IMMP2L: variants seen among roughly 807,000 people sequenced by gnomAD.
The protein encoded by IMMP2L is inner mitochondrial membrane peptidase subunit 2.
In IMMP2L, 18 loss-of-function variants were observed where a neutral mutation model predicts 19.3. That is an observed-to-expected ratio of 0.93 (90% CI 0.64 to 1.38). The LOEUF is 1.38. IMMP2L is among the 40% of genes most tolerant of loss of function. IMMP2L has a pLI of 0.00. For synonymous variants in IMMP2L, 76 were observed against 73.0 expected (o/e 1.04, Z -0.21); for missense variants, 233 against 218.2 (o/e 1.07, Z -0.43).
At chr7:111,425,014 G>A (rs1379556286) in intron 3 of IMMP2L, among the ~76,000 whole-genome samples, 1 of 151,762 alleles carries the variant, frequency 6.6e-6, no homozygotes, top group Non-Finnish European at 1.5e-5. Context: ...ATTACATGAA[G>A]TCATTTTAAG....
chr7:111,442,364 C>T (rs1244763407), intron 3 of IMMP2L, among the ~76,000 whole-genome samples: 2 of 151,682 alleles, frequency 1.3e-5, no homozygotes, highest in Admixed American at 6.6e-5. Flanking sequence ...AGGTTATTTG[C>T]CATTTCAATC....
At chr7:111,410,205 G>A (rs1294819049) in intron 3 of IMMP2L, among the ~76,000 whole-genome samples, 2 of 151,656 alleles carry the variant, frequency 1.3e-5, no homozygotes, top group Non-Finnish European at 2.9e-5. Flanking sequence ...CCTTGTTGTT[G>A]AATACCCAGA....
At chr7:111,306,765 T>C (rs185984875) in intron 3 of IMMP2L, among the ~76,000 whole-genome samples, 1 of 151,804 alleles carries the variant, frequency 6.6e-6, no homozygotes, top group Non-Finnish European at 1.5e-5. Context: ...AATTTGATGA[T>C]GTTTTCTGAC....
chr7:111,054,998 G>A (rs543345637), intron 3 of IMMP2L, among the ~76,000 whole-genome samples: 111 of 151,454 alleles, frequency 7.3e-4, no homozygotes, highest in African/African-American at 2.5e-3. Context: ...TAGTAGCACT[G>A]ACCCTCCCAC....
chr7:111,397,172 T>A, intron 3 of IMMP2L, among the ~76,000 whole-genome samples: 1 of 152,172 alleles, frequency 6.6e-6, no homozygotes, highest in East Asian at 1.9e-4. Context: ...TTCTCTGTAG[T>A]CCTCTAGTCC....
intron 3 of IMMP2L, among the ~76,000 whole-genome samples, chr7:111,161,042 TA>T (rs1313408708): frequency 6.6e-6 from 1 of 151,728 alleles, no homozygotes; most frequent in Non-Finnish European, 1.5e-5. Context: ...CAACAAAGAA[TA>T]AAAATACAAA....
chr7:111,392,412 C>G (rs1832448789), intron 3 of IMMP2L, among the ~76,000 whole-genome samples: 1 of 152,128 alleles, frequency 6.6e-6, no homozygotes, highest in Admixed American at 6.5e-5. Flanking sequence ...GCCTTAACTT[C>G]CTTAGCTACA....
At chr7:110,996,605 C>T (rs1823054303) in intron 3 of IMMP2L, among the ~76,000 whole-genome samples, 1 of 151,986 alleles carries the variant, frequency 6.6e-6, no homozygotes, top group Middle Eastern at 3.2e-3. Flanking sequence ...ATTAGCAATC[C>T]CTCCTGATAG....
chr7:111,023,887 G>T (rs943237752), intron 3 of IMMP2L, among the ~76,000 whole-genome samples: 1 of 152,152 alleles, frequency 6.6e-6, no homozygotes, highest in Non-Finnish European at 1.5e-5. Context: ...TTTTCAAGAG[G>T]TGAAATAACT....
rs542503155 is a variant in IMMP2L, at chr7:111,078,597, G to A, written c.240-115032C>T. On this transcript the variant is annotated intron_variant, in intron 3 of 5. Coordinates refer to ENST00000405709, the MANE Select transcript of IMMP2L (RefSeq NM_032549.4). ...TTCTACTATGCAAGGGCAAAAAAAT[G>A]TACCAAAGTATACCAAAGTGGTATA... 1.5e-4 allele frequency among the ~76,000 whole-genome samples: 23 copies of A among 152,160 alleles called. No individual in the cohort carries two copies. In the East Asian group the frequency reaches 3.7e-3, roughly 24 times the overall value.
At chr7:111,289,447 G>A (rs1820849817) in intron 3 of IMMP2L, among the ~76,000 whole-genome samples, 1 of 151,310 alleles carries the variant, frequency 6.6e-6, no homozygotes, top group African/African-American at 2.4e-5. Flanking sequence ...GGAAAGACAA[G>A]TTGGTGGCAA....
Position 111,217,921 on chromosome 7 carries a change from A to T in IMMP2L, c.240-254356T>A, listed in dbSNP as rs1214731402. 2.6e-5 allele frequency among the ~76,000 whole-genome samples: 4 copies of T among 152,168 alleles called. No individual in the cohort carries two copies. In the South Asian group the frequency reaches 8.3e-4, roughly 32 times the overall value. Reference sequence around the variant, plus strand: ...CTACTATGAATTGAAAGTCTTCGGTATCTCTCTGGAGGTGGGTGTTAGAAT... The same window carrying T: ...CTACTATGAATTGAAAGTCTTCGGTTTCTCTCTGGAGGTGGGTGTTAGAAT... On this transcript the variant is annotated intron_variant, in intron 3 of 5. Transcript: ENST00000405709.
intron 5 of IMMP2L, among the ~76,000 whole-genome samples, chr7:110,721,112 C>T (rs957081919): frequency 1.3e-5 from 2 of 151,836 alleles, no homozygotes; most frequent in African/African-American, 4.8e-5. Flanking sequence ...ATCCTACACC[C>T]ATCCTACATC....
intron 5 of IMMP2L, among the ~76,000 whole-genome samples, chr7:110,671,469 G>A (rs761788644): frequency 6.6e-6 from 1 of 152,050 alleles, no homozygotes; most frequent in African/African-American, 2.4e-5. Flanking sequence ...AAAATTACTG[G>A]CTGGAAAGTG....
intron 3 of IMMP2L, among the ~76,000 whole-genome samples, chr7:111,348,181 T>C (rs1352689780): frequency 1.3e-5 from 2 of 150,474 alleles, no homozygotes; most frequent in Non-Finnish European, 3.0e-5. Context: ...GAGATAGACC[T>C]AATGTAAATG....
intron 3 of IMMP2L, among the ~76,000 whole-genome samples, chr7:111,143,245 C>T (rs1375507744): frequency 6.6e-6 from 1 of 151,986 alleles, no homozygotes; most frequent in South Asian, 2.1e-4. Flanking sequence ...ATATTAAATG[C>T]AATTGTGATG....
chr7:110,691,303 T>G (rs1409704012), intron 5 of IMMP2L, among the ~76,000 whole-genome samples: 3 of 152,018 alleles, frequency 2.0e-5, no homozygotes, highest in East Asian at 1.9e-4. Flanking sequence ...TCTCTTACCA[T>G]ACACAAAAAT....
At chr7:110,789,624 C>A (rs1290699166) in intron 5 of IMMP2L, among the ~76,000 whole-genome samples, 1 of 151,640 alleles carries the variant, frequency 6.6e-6, no homozygotes, top group African/African-American at 2.4e-5. Flanking sequence ...TCAAAACTGT[C>A]CAATGGCTTC....
At chr7:110,983,867 G>T (rs1002359946) in intron 3 of IMMP2L, among the ~76,000 whole-genome samples, 8 of 151,910 alleles carry the variant, frequency 5.3e-5, no homozygotes, top group Non-Finnish European at 8.8e-5. Flanking sequence ...TAGTTTTTAA[G>T]CTCTGTAGAT....
Sources: gnomAD v4.1 joint callset for allele counts (sites outside exome capture counted in the v4.1 genomes callset) on GRCh38, gnomAD v4.1.1 for gene constraint, MANE v1.5 for transcripts, NCBI Gene and HGNC (gene_info 2026-07-23, HGNC 2026-07-21) for gene names.